The following MAD1L1 variants were observed in gnomAD, a reference collection of about 807,000 sequenced individuals.
The protein encoded by MAD1L1 is mitotic spindle assembly checkpoint protein MAD1.
A neutral mutation model predicts 96.9 loss-of-function variants in MAD1L1; 95 were observed. That is an observed-to-expected ratio of 0.98 (90% CI 0.83 to 1.16). The LOEUF is 1.16. Among genes scored for constraint, MAD1L1 ranks in the 50% most tolerant of loss-of-function variants. The pLI is 0.00. For synonymous variants in MAD1L1, 473 were observed against 396.6 expected, an observed-to-expected ratio of 1.19 and a Z score of -2.29; for missense variants, 1,007 against 954.4, an observed-to-expected ratio of 1.06 and a Z score of -0.73.
At chr7:2,224,418 A>G (rs1197128310) in intron 4 of MAD1L1, among the ~76,000 whole-genome samples, 1 of 152,228 alleles carries the variant, frequency 6.6e-6, no homozygotes, top group Non-Finnish European at 1.5e-5. Flanking sequence ...CTCTCAAAGC[A>G]GCAACGGAGC....
intron 11 of MAD1L1, among the ~76,000 whole-genome samples, chr7:2,115,514 G>C (rs1166019572): frequency 1.4e-5 from 2 of 146,216 alleles, no homozygotes; most frequent in Non-Finnish European, 3.0e-5. Context: ...GGAGGCGCTG[G>C]ACAGGGTCCC....
intron 12 of MAD1L1, among the ~76,000 whole-genome samples, chr7:2,016,468 T>C (rs968084791): frequency 3.3e-5 from 5 of 151,722 alleles, no homozygotes; most frequent in Non-Finnish European, 5.9e-5. Flanking sequence ...GCCTCCTGAG[T>C]CTGCACGTAC....
At chr7:1,930,727 G>A (rs1248934603) in intron 17 of MAD1L1, among the ~76,000 whole-genome samples, 2 of 151,504 alleles carry the variant, frequency 1.3e-5, no homozygotes, top group Non-Finnish European at 1.5e-5. Flanking sequence ...GGGTGTGAGG[G>A]GACTCCCCTG....
At chr7:1,974,580 A>G (rs73275232) in intron 15 of MAD1L1, among the ~76,000 whole-genome samples, 4,347 of 152,364 alleles carry the variant, frequency 0.029, 206 homozygotes, top group African/African-American at 0.099. Flanking sequence ...ACAGGTTAAC[A>G]AAGCTGAGAA....
chr7:1,914,979 A>C (rs932030204), intron 17 of MAD1L1, among the ~76,000 whole-genome samples: 1 of 152,138 alleles, frequency 6.6e-6, no homozygotes, highest in Non-Finnish European at 1.5e-5. Context: ...ATGCGGTGGC[A>C]TCTAAGGATA....
intron 17 of MAD1L1, among the ~76,000 whole-genome samples, chr7:1,929,818 G>A (rs1430014377): frequency 0.39 from 177 of 454 alleles, 11 homozygotes; most frequent in African/African-American, 0.45. Context: ...CCACTGCCAC[G>A]TCCCCTGCCC....
intron 10 of MAD1L1, among the ~76,000 whole-genome samples, chr7:2,191,848 T>C (rs1445406840): frequency 6.6e-6 from 1 of 151,994 alleles, no homozygotes. Flanking sequence ...CTGGCCAACA[T>C]GGTGAAACTT....
chr7:1,946,388 G>A (rs762156666), intron 16 of MAD1L1, among the ~76,000 whole-genome samples: 13 of 152,246 alleles, frequency 8.5e-5, no homozygotes, highest in African/African-American at 1.4e-4. Flanking sequence ...GATGGGAGAT[G>A]GAGCAACCTT....
intron 17 of MAD1L1, among the ~76,000 whole-genome samples, chr7:1,900,673 T>C (rs1039562779): frequency 4.6e-5 from 7 of 152,158 alleles, no homozygotes; most frequent in African/African-American, 1.7e-4. Flanking sequence ...AGAGACCACA[T>C]TTCAGAGGCC....
chr7:2,219,084 T>C (rs1562383106), intron 6 of MAD1L1, among the ~76,000 whole-genome samples: 3 of 152,122 alleles, frequency 2.0e-5, no homozygotes, highest in Non-Finnish European at 4.4e-5. Flanking sequence ...AATCTGGCTC[T>C]GCAGGAGCCC....
At chr7:2,150,347 C>T (rs949348385) in intron 10 of MAD1L1, among the ~76,000 whole-genome samples, 3 of 152,196 alleles carry the variant, frequency 2.0e-5, no homozygotes, top group Non-Finnish European at 4.4e-5. Context: ...ATCCTGCTGC[C>T]TAAAACGCGC....
At chr7:2,000,059 TG>T (rs1471329179) in intron 14 of MAD1L1, among the ~76,000 whole-genome samples, 5 of 152,154 alleles carry the variant, frequency 3.3e-5, no homozygotes, top group Admixed American at 1.3e-4. Context: ...GCAGAGCAGA[TG>T]GGCACCTCTG....
intron 15 of MAD1L1, among the ~76,000 whole-genome samples, chr7:1,978,770 A>T (rs554651425): frequency 7.9e-5 from 12 of 152,254 alleles, no homozygotes; most frequent in Non-Finnish European, 1.3e-4. Flanking sequence ...GGTCCCCGAG[A>T]CATGGAGACG....
At chr7:2,087,013 G>A (rs1189565216) in intron 11 of MAD1L1, among the ~76,000 whole-genome samples, 2 of 152,222 alleles carry the variant, frequency 1.3e-5, no homozygotes, top group Non-Finnish European at 2.9e-5. Context: ...GAGCATGGAG[G>A]AGGTGGTGGT....
chr7:1,886,589 A>T (rs1786046472), intron 18 of MAD1L1, among the ~76,000 whole-genome samples: 1 of 152,254 alleles, frequency 6.6e-6, no homozygotes, highest in Admixed American at 6.5e-5. Flanking sequence ...CTGTGTCTGC[A>T]AACAGGCGTG....
At position 2,003,955 on chromosome 7, in the gene MAD1L1, G is replaced by A. The variant is rs376357894; in HGVS notation, c.1360-1834C>T. ...GGACTGGGAACGGCAGATGGAAGAG[G>A]GACATCCCCCAAACTGGGCCTAGAC... is the stretch of plus-strand genomic sequence containing the variant. On this transcript the variant is annotated intron_variant, in intron 13 of 18. Transcript: ENST00000265854. Among the ~76,000 whole-genome samples the A allele has an allele frequency of 1.4e-4, 22 of 152,306 alleles. 1 individual carries two copies. The highest frequency in any genetic ancestry group is 5.1e-4 in the African/African-American group (21 of 41,568).
At chr7:1,987,371 T>C (rs1357838654) in intron 14 of MAD1L1, among the ~76,000 whole-genome samples, 2 of 152,194 alleles carry the variant, frequency 1.3e-5, no homozygotes, top group Non-Finnish European at 2.9e-5. Flanking sequence ...GACGCGGCAA[T>C]GGCCACTTCC....
chr7:2,226,710 T>C (rs1324607757), intron 3 of MAD1L1, among the ~76,000 whole-genome samples: 2 of 152,176 alleles, frequency 1.3e-5, no homozygotes, highest in Non-Finnish European at 2.9e-5. Context: ...TCTCTTTAGG[T>C]TGGGTGTGGT....
chr7:2,222,861 C>T lies in MAD1L1; in HGVS notation c.292-107G>A, dbSNP rs1395034349. 3.2e-6 allele frequency: 3 copies of T among 934,012 alleles called. No homozygotes were observed. In the East Asian group the frequency reaches 8.2e-5, roughly 26 times the overall value. 57.9% of individuals were successfully genotyped at this position (934,012 alleles called of 1,614,324 possible). A position where few individuals can be genotyped will look rare whatever the true frequency, so the allele number is the denominator to read the frequency against. ...GAACATGCCGAGGCACAAAAAAGAG[C>T]CGAGCAGGACCCATGAGCCAAGTCA... On this transcript the variant is annotated intron_variant, in intron 4 of 18. Coordinates refer to ENST00000265854, the MANE Select transcript of MAD1L1 (RefSeq NM_001013836.2).
Sources: allele counts gnomAD v4.1 joint callset (sites outside exome capture counted in the v4.1 genomes callset), GRCh38; gene constraint gnomAD v4.1.1; transcripts MANE v1.5; gene names NCBI Gene and HGNC (gene_info 2026-07-23, HGNC 2026-07-21).